Variants in COPG2 observed in about 807,000 individuals in gnomAD.
COPG2 encodes coat protein complex I subunit gamma 2.
COPG2 carries 37 observed loss-of-function variants against 46.3 expected under a neutral mutation model. The ratio of observed to expected loss-of-function variants is 0.80; its 90% CI spans 0.61 to 1.05. COPG2 has a LOEUF of 1.05. Among genes scored for constraint, COPG2 ranks in the 50% least tolerant of loss-of-function variants. COPG2 has a pLI of 0.00. For missense variants in COPG2, 427 were observed against 387.8 expected, an observed-to-expected ratio of 1.10 and a Z score of -0.85; for synonymous variants, 159 against 129.7, an observed-to-expected ratio of 1.23 and a Z score of -1.53.
chr7:130,527,596 C>A (rs1274868489), intron 20 of COPG2, among the ~76,000 whole-genome samples: 1 of 152,114 alleles, frequency 6.6e-6, no homozygotes, highest in African/African-American at 2.4e-5. Flanking sequence ...GGAACATAGA[C>A]AATAGCAAAA....
chr7:130,606,352 GGAA>G (rs1425355947), intron 9 of COPG2, among the ~76,000 whole-genome samples: 9 of 151,726 alleles, frequency 5.9e-5, no homozygotes, highest in Admixed American at 5.3e-4. Context: ...AAGGAAGGAA[GGAA>G]GGAGAAAGAA....
intron 20 of COPG2, among the ~76,000 whole-genome samples, chr7:130,514,875 C>T (rs1799666137): frequency 6.6e-6 from 1 of 152,156 alleles, no homozygotes; most frequent in South Asian, 2.1e-4. Context: ...TGCCAGATCT[C>T]AGAATGGGCC....
intron 20 of COPG2, among the ~76,000 whole-genome samples, chr7:130,529,063 G>C (rs1228680933): frequency 6.6e-6 from 1 of 152,170 alleles, no homozygotes; most frequent in Non-Finnish European, 1.5e-5. Flanking sequence ...GAAATGTCAG[G>C]TGGATTGACT....
Position 130,663,011 on chromosome 7 carries a change from T to A in COPG2, c.199A>T (p.Thr67Ser). ...QGEHFGTTEATEAFFAMTRLF... is the reference protein window; with the variant it reads ...QGEHFGTTEASEAFFAMTRLF... The stretch of plus-strand genomic sequence containing the variant: ...CGCGTCATTGCAAAGAAGGCTTCTG[T>A]AGCTTCCGTTGTTCCAAAGTGTTCA... The change falls in exon 4 of 24, where the codon ACA (threonine) becomes TCA (serine). Residue 67 changes from threonine to serine, a missense_variant. Physicochemically the swap from Thr to Ser is moderately conservative, Grantham distance 58. Transcript: ENST00000425248. 1 of 1,548,146 alleles carries A rather than the reference T, an allele frequency of 6.5e-7. No individual in the cohort carries two copies.
At chr7:130,510,178 G>A (rs17333054) in intron 20 of COPG2, 16,709 of 520,096 alleles carry the variant, frequency 0.032, 368 homozygotes, top group Middle Eastern at 0.044. Flanking sequence ...TATGAAGAAT[G>A]GGTCTGAATT....
chr7:130,540,901 G>C (rs1018718969), intron 20 of COPG2, among the ~76,000 whole-genome samples: 3 of 151,994 alleles, frequency 2.0e-5, no homozygotes, highest in Non-Finnish European at 2.9e-5. Context: ...CTCAGTAAAA[G>C]TAAGGGAAAA....
At chr7:130,631,172 C>CTTTTTTTTTTTT (rs55966949) in intron 5 of COPG2, among the ~76,000 whole-genome samples, 10 of 102,316 alleles carry the variant, frequency 9.8e-5, no homozygotes, top group Non-Finnish European at 1.2e-4. Flanking sequence ...TTTTTCTTTT[C>CTTTTTTTTTTTT]TTTTTTTTTT....
chr7:130,533,772 T>C (rs1799851746), intron 20 of COPG2, among the ~76,000 whole-genome samples: 1 of 151,912 alleles, frequency 6.6e-6, no homozygotes, highest in Non-Finnish European at 1.5e-5. Context: ...GTAGGGAACA[T>C]GGACTAGATG....
chr7:130,556,241 G>A (rs1277990702), intron 12 of COPG2, among the ~76,000 whole-genome samples: 2 of 151,858 alleles, frequency 1.3e-5, no homozygotes, highest in Admixed American at 6.6e-5. Context: ...TTGCTCCAGA[G>A]GGCTTTTTGC....
intron 12 of COPG2, among the ~76,000 whole-genome samples, chr7:130,558,294 T>C (rs1014003590): frequency 6.6e-6 from 1 of 152,078 alleles, no homozygotes; most frequent in Non-Finnish European, 1.5e-5. Flanking sequence ...TAGTAAGTTC[T>C]TGTGAGATCT....
chr7:130,663,521 A>G (rs1554461060), intron 3 of COPG2, among the ~76,000 whole-genome samples: 3 of 152,116 alleles, frequency 2.0e-5, no homozygotes, highest in African/African-American at 7.2e-5. Flanking sequence ...GGGACCAACC[A>G]AAAGGGCAGG....
chr7:130,532,321 A>G (rs1799834571), intron 20 of COPG2, among the ~76,000 whole-genome samples: 1 of 152,198 alleles, frequency 6.6e-6, no homozygotes, highest in Non-Finnish European at 1.5e-5. Context: ...GGGTCCAGTG[A>G]CACAGAGGAT....
chr7:130,575,454 AG>A (rs530366265), intron 9 of COPG2, among the ~76,000 whole-genome samples: 4 of 152,182 alleles, frequency 2.6e-5, no homozygotes, highest in Non-Finnish European at 5.9e-5. Flanking sequence ...AGCGAAACTA[AG>A]CATCATATAT....
chr7:130,555,822 TC>T (rs1793614464), intron 12 of COPG2, among the ~76,000 whole-genome samples: 1 of 151,928 alleles, frequency 6.6e-6, no homozygotes, highest in Non-Finnish European at 1.5e-5. Flanking sequence ...AGAGAGAGAC[TC>T]TGTCTCAAAA....
At chr7:130,663,295 C>T (rs1796013508) in intron 3 of COPG2, among the ~76,000 whole-genome samples, 1 of 152,030 alleles carries the variant, frequency 6.6e-6, no homozygotes, top group Non-Finnish European at 1.5e-5. Flanking sequence ...GATCTCTAAA[C>T]TTTTAGTAGA....
At chr7:130,612,521 G>T (rs571410136) in intron 7 of COPG2, among the ~76,000 whole-genome samples, 8 of 152,150 alleles carry the variant, frequency 5.3e-5, no homozygotes, top group Non-Finnish European at 1.2e-4. Context: ...TCAACAGAAC[G>T]GTGCTTAAAT....
At chr7:130,551,133 C>G (rs1044218119) in intron 16 of COPG2, 108 bp downstream of exon 16, 71 of 393,898 alleles carry the variant, frequency 1.8e-4, no homozygotes, top group Non-Finnish European at 3.0e-4. Context: ...CACTCAAAGA[C>G]AAAAACCAAG....
intron 5 of COPG2, among the ~76,000 whole-genome samples, chr7:130,646,120 C>T (rs1216100735): frequency 2.0e-5 from 3 of 152,328 alleles, no homozygotes; most frequent in African/African-American, 7.2e-5. Context: ...TGCCTGCAGC[C>T]AATCTAGATG....
chr7:130,599,612 T>C (rs1794597414), intron 9 of COPG2, among the ~76,000 whole-genome samples: 1 of 152,120 alleles, frequency 6.6e-6, no homozygotes, highest in African/African-American at 2.4e-5. Flanking sequence ...ACATTTCTCT[T>C]TGCAGTAAAT....
Sources: gnomAD v4.1 joint callset for allele counts (sites outside exome capture counted in the v4.1 genomes callset) on GRCh38, gnomAD v4.1.1 for gene constraint, MANE v1.5 for transcripts, NCBI Gene and HGNC (gene_info 2026-07-23, HGNC 2026-07-21) for gene names.